PER3: variants seen among roughly 807,000 people sequenced by gnomAD.
PER3 encodes the protein period circadian regulator 3, also known as period circadian protein homolog 3.
In PER3, 107 loss-of-function variants were observed where a neutral mutation model predicts 127.2. The ratio of observed to expected loss-of-function variants is 0.84; its 90% CI spans 0.72 to 0.99. The LOEUF is 0.99. Ranked by LOEUF, PER3 falls within the 50% of genes least tolerant of loss-of-function variation. The pLI is 0.00. For missense variants in PER3, 1,560 were observed against 1,525.8 expected (o/e 1.02, Z -0.37); for synonymous variants, 618 against 585.8 (o/e 1.05, Z -0.79).
At chr1:7,808,728 T>G (rs979092895) in intron 10 of PER3, among the ~76,000 whole-genome samples, 165 bp from the exon 11 acceptor site, 3 of 152,248 alleles carry the variant, frequency 2.0e-5, no homozygotes, top group Non-Finnish European at 2.9e-5. Context: ...TTGTTTCTTA[T>G]TATTTTCTGT....
At chr1:7,808,503 ATGT>A (rs914050345) in intron 10 of PER3, among the ~76,000 whole-genome samples, 32 of 152,362 alleles carry the variant, frequency 2.1e-4, no homozygotes, top group African/African-American at 6.7e-4. Context: ...TAAACATTAA[ATGT>A]TGTTTGGAAA....
intron 19 of PER3, 57 bp from the exon 20 acceptor site, chr1:7,835,705 G>T: frequency 1.6e-6 from 2 of 1,259,256 alleles, no homozygotes; most frequent in Admixed American, 3.7e-5. Flanking sequence ...ATGAGAGCCA[G>T]TTTGGCAAAT....
chr1:7,801,870 C>G (rs1312665132), intron 8 of PER3, among the ~76,000 whole-genome samples: 1 of 151,918 alleles, frequency 6.6e-6, no homozygotes, highest in Non-Finnish European at 1.5e-5. Flanking sequence ...TCATGAAATT[C>G]AAAAATCTGG....
At position 7,815,991 on chromosome 1, in the gene PER3, C is replaced by CAAAAA. The variant is rs34144861; in HGVS notation, c.1523-3272_1523-3268dup. On this transcript the variant is annotated intron_variant, in intron 13 of 21. Coordinates refer to ENST00000377532, the MANE Select transcript of PER3 (RefSeq NM_001377275.1). ...CTGGGCGACAGAGCGGACTCCGTCT[C>CAAAAA]AAAAAAAAAAAAAAAAAAAAAAAAA... is the stretch of plus-strand genomic sequence containing the variant. Among the ~76,000 whole-genome samples the CAAAAA allele has an allele frequency of 2.4e-4, 16 of 67,658 alleles. 1 individual carries two copies. The East Asian group carries it at 3.1e-3, about 13-fold the overall frequency. The allele number at this position is 67,658 out of a possible 152,430, so 44.4% of individuals were successfully genotyped here.
intron 6 of PER3, among the ~76,000 whole-genome samples, chr1:7,798,295 T>C (rs929133664): frequency 1.3e-5 from 2 of 152,218 alleles, no homozygotes; most frequent in Non-Finnish European, 2.9e-5. Context: ...TAATTCTGTT[T>C]TTACACTCAC....
chr1:7,807,590 G>T (rs959487721), intron 10 of PER3, among the ~76,000 whole-genome samples: 1 of 152,174 alleles, frequency 6.6e-6, no homozygotes, highest in African/African-American at 2.4e-5. Flanking sequence ...GCTGCTTCTC[G>T]GTTATGTGAA....
At chr1:7,814,320 G>A (rs1427832111) in intron 13 of PER3, among the ~76,000 whole-genome samples, 1 of 151,988 alleles carries the variant, frequency 6.6e-6, no homozygotes, top group Non-Finnish European at 1.5e-5. Context: ...TCAAACTGAT[G>A]GAAAAAAGAA....
chr1:7,791,451 G>A (rs534182458), intron 5 of PER3, among the ~76,000 whole-genome samples: 5 of 152,350 alleles, frequency 3.3e-5, no homozygotes, highest in East Asian at 1.9e-4. Context: ...AGCAGTGGGG[G>A]CCTGGACAGG....
intron 13 of PER3, among the ~76,000 whole-genome samples, chr1:7,816,357 T>G (rs1310103447): frequency 1.3e-5 from 2 of 152,098 alleles, no homozygotes; most frequent in South Asian, 2.1e-4. Context: ...CTTCTCCTTT[T>G]TGAAAGAGAC....
Position 7,810,607 on chromosome 1 carries a change from C to A in PER3, c.1522+19C>A. Reference sequence around the variant, plus strand: ...GGTGGTGGTGAGTCAGCCGGCAGCCCCAAGGATCTCCTTCCATGGGCTGTC... The same window carrying A: ...GGTGGTGGTGAGTCAGCCGGCAGCCACAAGGATCTCCTTCCATGGGCTGTC... On this transcript the variant is annotated intron_variant, in intron 13 of 21. Transcript: ENST00000377532. The A allele has an allele frequency of 6.3e-7, 1 of 1,596,436 alleles. No individual in the cohort carries two copies. Among genetic ancestry groups the A allele is most frequent in the South Asian group, 1.1e-5 (1 of 87,854 alleles).
intron 5 of PER3, 138 bp from the exon 6 acceptor site, chr1:7,793,818 AG>A (rs1411924940): frequency 7.9e-5 from 58 of 734,328 alleles, no homozygotes; most frequent in Non-Finnish European, 1.1e-4. Flanking sequence ...CTCAAAATGA[AG>A]GAAGGGGGTT....
intron 19 of PER3, 100 bp downstream of exon 19, chr1:7,830,261 A>G (rs937119528): frequency 3.5e-5 from 38 of 1,094,222 alleles, no homozygotes; most frequent in Non-Finnish European, 4.6e-5. Flanking sequence ...TGGAAGTACA[A>G]GGTTTTTTTT....
At chr1:7,809,437 G>A (rs547115319) in intron 11 of PER3, among the ~76,000 whole-genome samples, 24 of 152,300 alleles carry the variant, frequency 1.6e-4, no homozygotes, top group African/African-American at 4.3e-4. Context: ...CAATGAATAA[G>A]TGGTAAATAG....
chr1:7,812,002 A>C (rs1290103555), intron 13 of PER3, among the ~76,000 whole-genome samples: 1 of 152,218 alleles, frequency 6.6e-6, no homozygotes, highest in African/African-American at 2.4e-5. Context: ...TATCTTAAAT[A>C]CAATTTTTAC....
intron 7 of PER3, among the ~76,000 whole-genome samples, chr1:7,800,167 T>G (rs1425336900): frequency 6.6e-6 from 1 of 152,022 alleles, no homozygotes; most frequent in Non-Finnish European, 1.5e-5. Flanking sequence ...CACAAGCAAA[T>G]GAGATATTAG....
chr1:7,818,553 T>C (rs1269268331), intron 13 of PER3, among the ~76,000 whole-genome samples: 4 of 152,212 alleles, frequency 2.6e-5, no homozygotes, highest in African/African-American at 4.8e-5. Context: ...TCTTTCCAGC[T>C]ACCCTTTTTC....
chr1:7,797,714 C>A (rs2097152256), intron 6 of PER3, among the ~76,000 whole-genome samples: 1 of 151,970 alleles, frequency 6.6e-6, no homozygotes, highest in African/African-American at 2.4e-5. Flanking sequence ...CTAAAGAGCC[C>A]CTCAGGATTG....
intron 13 of PER3, among the ~76,000 whole-genome samples, chr1:7,816,527 T>G (rs1025543437): frequency 1.3e-5 from 2 of 152,138 alleles, no homozygotes; most frequent in Non-Finnish European, 2.9e-5. Context: ...ACAACCCAAT[T>G]AGAAACATTT....
Position 7,820,518 on chromosome 1 carries a change from G to A in PER3, c.1835G>A (p.Arg612Gln), listed in dbSNP as rs757014932. Residue 612 changes from arginine (R) to glutamine (Q), a missense_variant, in exon 16 of 22, where the codon CGG becomes CAG. Physicochemically the swap from Arg to Gln is conservative, Grantham distance 43. Around this residue, in one of 3 missense-constraint regions of PER3, gnomAD observed 1,332 missense variants for 1,223.6 expected, o/e 1.09. Transcript: ENST00000377532. ...AAATCAGAAATGCCAACAAATGGAC[G>A]GTCCATAGACACAGGAGGAGGAGCT... The part of the protein sequence containing the change: ...IPKSEMPTNG[R>Q]SIDTGGGAPQ... 14 of 1,613,856 alleles carry A rather than the reference G, an allele frequency of 8.7e-6. No homozygotes were observed. The East Asian group carries it at 1.8e-4, about 21-fold the overall frequency.
Sources: gnomAD v4.1 joint callset for allele counts (sites outside exome capture counted in the v4.1 genomes callset) on GRCh38, gnomAD v4.1.1 for gene constraint, gnomAD v4.1.1 regional missense constraint, MANE v1.5 for transcripts, NCBI Gene and HGNC (gene_info 2026-07-23, HGNC 2026-07-21) for gene names.